Variants in TAF7L observed in about 807,000 individuals in gnomAD.
TAF7L encodes transcription initiation factor TFIID subunit 7-like.
TAF7L carries 6 observed loss-of-function variants against 30.2 expected under a neutral mutation model. The ratio of observed to expected loss-of-function variants is 0.20; its 90% CI spans 0.11 to 0.39. The LOEUF (loss-of-function observed/expected upper bound fraction) is 0.39, where lower values mean the gene tolerates loss of function less well. Among genes scored for constraint, TAF7L ranks in the 10% least tolerant of loss-of-function variants. The pLI is 1.00. For missense variants in TAF7L, 284 were observed against 277.1 expected (o/e 1.03, Z -0.18); for synonymous variants, 93 against 94.5 (o/e 0.98, Z 0.09).
chrX:101,276,164 A>G (rs111998397), intron 10 of TAF7L, 52 bp from the exon 11 acceptor site: 1 of 1,154,418 alleles, frequency 8.7e-7, no homozygotes, highest in African/African-American at 1.8e-5. Context: ...AAATGAATGG[A>G]CCAAGATCCA....
chrX:101,278,326 T>C, intron 7 of TAF7L, among the ~76,000 whole-genome samples: 1 of 112,560 alleles, frequency 8.9e-6, no homozygotes, highest in Non-Finnish European at 1.9e-5. Context: ...AACTTACTTT[T>C]TTCCTAATTA....
chrX:101,291,690 C>A (rs1461495156), upstream of TAF7L, among the ~76,000 whole-genome samples: 3 of 108,540 alleles, frequency 2.8e-5, no homozygotes, highest in African/African-American at 1.0e-4. Context: ...CATGATGAAA[C>A]CCCCGTCTCT....
At chrX:101,272,543 A>C (rs1924001743) in intron 12 of TAF7L, among the ~76,000 whole-genome samples, 1 of 111,622 alleles carries the variant, frequency 9.0e-6, no homozygotes, top group African/African-American at 3.3e-5. Context: ...ACCATGTATT[A>C]TATGATTTCA....
chrX:101,292,955 G>A, upstream of TAF7L: 1 of 1,210,857 alleles, frequency 8.3e-7, no homozygotes, highest in East Asian at 3.0e-5. Flanking sequence ...AGAATTTGGG[G>A]TTCTTGTTGG....
upstream of TAF7L, chrX:101,293,029 C>A: frequency 8.3e-7 from 1 of 1,211,346 alleles, no homozygotes; most frequent in Non-Finnish European, 1.1e-6. Flanking sequence ...GGGGAGCTGT[C>A]CCTCGGGGCA....
rs988470209 is a variant in TAF7L, at chrX:101,283,549, A to G, written c.180T>C (p.Asp60=). The change falls in exon 4 of 13, where the codon GAT becomes GAC. Residue 60 remains aspartate (D), a synonymous_variant. Coordinates refer to ENST00000356784, the MANE Select transcript of TAF7L (RefSeq NM_001168474.2). ...DGRHAVVEVE[D]VPLAAKLVDL... ...CAACCAGCTTAGCAGCTAGTGGGAC[A>G]TCTTCTACTTCAACAACTGCATGGC... 2 of 1,210,402 alleles carry G rather than the reference A, an allele frequency of 1.7e-6. No individual in the cohort carries two copies. Among genetic ancestry groups the G allele is most frequent in the African/African-American group, 3.5e-5 (2 of 57,385 alleles).
chrX:101,275,811 G>A (rs867990534), intron 11 of TAF7L, among the ~76,000 whole-genome samples, 189 bp downstream of exon 11: 8 of 111,385 alleles, frequency 7.2e-5, no homozygotes, highest in African/African-American at 2.6e-4. Flanking sequence ...TCCCCAAAAT[G>A]CTTATATTAG....
chrX:101,292,252 TAAATAA>T (rs1924843464), upstream of TAF7L, among the ~76,000 whole-genome samples: 2 of 23,760 alleles, frequency 8.4e-5, no homozygotes, highest in African/African-American at 6.3e-4. Flanking sequence ...AAAAAAAAAA[TAAATAA>T]AAAAAATAAA....
intron 1 of TAF7L, among the ~76,000 whole-genome samples, chrX:101,290,151 G>A (rs1037665422): frequency 1.2e-4 from 13 of 110,081 alleles, no homozygotes; most frequent in African/African-American, 4.3e-4. Flanking sequence ...GAGCCGAGAT[G>A]GCGCCACTGC....
At chrX:101,277,952 C>T in intron 8 of TAF7L, 97 bp downstream of exon 8, 3 of 743,019 alleles carry the variant, frequency 4.0e-6, no homozygotes, top group Non-Finnish European at 2.1e-6. Context: ...AAGTTCCACA[C>T]ATCAAGACTG....
At position 101,268,293 on chromosome X, in the gene TAF7L, T is replaced by C. The variant is rs1441616389; in HGVS notation, c.*900A>G. Reference sequence around the variant, plus strand: ...CAATTTATTTATTGCTTAAAGAACATAGACCATAAAACACTAATAATATAC... The same window carrying C: ...CAATTTATTTATTGCTTAAAGAACACAGACCATAAAACACTAATAATATAC... On this transcript the variant is annotated 3_prime_UTR_variant, in exon 13 of 13. Transcript: ENST00000356784. 1 of 111,993 alleles carries C rather than the reference T, an allele frequency of 8.9e-6. No individual in the cohort carries two copies. The highest frequency in any genetic ancestry group is 9.5e-5 in the Admixed American group (1 of 10,503). The allele number at this position is 111,993 out of a possible 1,213,427, so 9.2% of individuals were successfully genotyped here. A position where few individuals can be genotyped will look rare whatever the true frequency, so the allele number is the denominator to read the frequency against.
chrX:101,288,575 T>C (rs754524544), intron 1 of TAF7L, among the ~76,000 whole-genome samples: 8 of 109,455 alleles, frequency 7.3e-5, no homozygotes, highest in Non-Finnish European at 1.1e-4. Context: ...CTACCCTTTA[T>C]TGTGTGCATT....
chrX:101,286,709 A>G, intron 2 of TAF7L, 56 bp from the exon 3 acceptor site: 2 of 922,883 alleles, frequency 2.2e-6, no homozygotes, highest in South Asian at 4.3e-5. Flanking sequence ...TTGGCAGCTA[A>G]CAGAATAGAT....
rs768803649 is a variant in TAF7L at position 101,277,741 on chromosome X, G to A, written c.578-22C>T. The A allele has an allele frequency of 1.7e-5, 18 of 1,074,210 alleles. No homozygotes were observed. The South Asian group carries it at 2.7e-4, about 16-fold the overall frequency. The allele number at this position is 1,074,210 out of a possible 1,213,427, so 88.5% of individuals were successfully genotyped here. A position where few individuals can be genotyped will look rare whatever the true frequency, so the allele number is the denominator to read the frequency against. On this transcript the variant is annotated intron_variant, in intron 8 of 12. Coordinates refer to ENST00000356784, the MANE Select transcript of TAF7L (RefSeq NM_001168474.2). ...CAACCTGAAAGGAGTGGGTAGTCAA[G>A]GAAAACACAGAAGGAAACAAAAAGG...
intron 9 of TAF7L, 124 bp downstream of exon 9, chrX:101,277,482 G>A (rs1276856666): frequency 3.8e-5 from 12 of 312,624 alleles, no homozygotes; most frequent in Non-Finnish European, 5.5e-5. Flanking sequence ...AGGGAAGGAC[G>A]AAACCATCCT....
chrX:101,272,558 T>C (rs1416802601), intron 12 of TAF7L, among the ~76,000 whole-genome samples: 1 of 111,556 alleles, frequency 9.0e-6, no homozygotes, highest in African/African-American at 3.3e-5. Flanking sequence ...ATTTCACTTG[T>C]ATGAAATAAC....
Position 101,275,366 on chromosome X carries a change from A to ATTGTTT in TAF7L, c.1027-91_1027-86dup, listed in dbSNP as rs750186946. On this transcript the variant is annotated intron_variant, in intron 11 of 12. Coordinates refer to ENST00000356784, the MANE Select transcript of TAF7L (RefSeq NM_001168474.2). ...AGGGAGGCAAGGAGTTTGGCAAATAATTGTTTTTGTTTTTGTTTTTGAGGC... is the reference window on the plus strand; with the variant it reads ...AGGGAGGCAAGGAGTTTGGCAAATAATTGTTTTTGTTTTTGTTTTTGTTTTTGAGGC... 3.4e-5 allele frequency: 25 copies of ATTGTTT among 729,240 alleles called. No homozygotes were observed. In the East Asian group the frequency reaches 7.3e-4, roughly 21 times the overall value. 60.1% of individuals were successfully genotyped at this position (729,240 alleles called of 1,213,427 possible).
At chrX:101,280,924 A>G (rs1188896273) in intron 6 of TAF7L, among the ~76,000 whole-genome samples, 1 of 112,147 alleles carries the variant, frequency 8.9e-6, no homozygotes, top group Admixed American at 9.5e-5. Context: ...AATTACAGAG[A>G]TAGAGATCAG....
At chrX:101,272,890 C>T (rs1924015240) in intron 12 of TAF7L, among the ~76,000 whole-genome samples, 1 of 110,574 alleles carries the variant, frequency 9.0e-6, no homozygotes, top group Non-Finnish European at 1.9e-5. Context: ...TCAAGCAATC[C>T]TCCCACCTCA....
Sources: gnomAD v4.1 joint callset for allele counts (sites outside exome capture counted in the v4.1 genomes callset) on GRCh38, gnomAD v4.1.1 for gene constraint, MANE v1.5 for transcripts, NCBI Gene and HGNC (gene_info 2026-07-23, HGNC 2026-07-21) for gene names.